PHF10: variants seen among roughly 807,000 people sequenced by gnomAD.
The protein encoded by PHF10 is BRG1-associated factor 45a.
A neutral mutation model predicts 68.5 loss-of-function variants in PHF10; 51 were observed. The observed-to-expected ratio is 0.74, with a 90% CI of 0.59 to 0.94. The LOEUF is 0.94. Ranked by LOEUF, PHF10 falls within the 40% of genes least tolerant of loss-of-function variation. The pLI is 0.00. For synonymous variants in PHF10, 204 were observed against 203.5 expected (o/e 1.00, Z -0.02); for missense variants, 460 against 602.6 (o/e 0.76, Z 2.48).
At chr6:169,712,674 A>AT (rs1323310076) in intron 7 of PHF10, 135 bp from the exon 8 acceptor site, 6 of 617,830 alleles carry the variant, frequency 9.7e-6, no homozygotes, top group Non-Finnish European at 1.6e-5. Context: ...CTAATTTTTC[A>AT]TTTTTGTCAT....
In PHF10 at chr6:169,724,490, G is replaced by C. The variant is rs1473338360; in HGVS notation, c.-559C>G. Among the ~76,000 whole-genome samples, 5 of 142,536 alleles carry C rather than the reference G, an allele frequency of 3.5e-5. No individual in the cohort carries two copies. Among genetic ancestry groups the C allele is most frequent in the Non-Finnish European group, 6.2e-5 (4 of 64,788 alleles). 93.5% of individuals were successfully genotyped at this position (142,536 alleles called of 152,430 possible). On this transcript the variant is annotated 5_prime_UTR_variant, in exon 1 of 12. Transcript: ENST00000339209. ...CCGCCGCCTGGCTCCCCACGGCCCGGCGTTGTACTCGGCCGCGGCTCCCCC... is the reference window on the plus strand; with the variant it reads ...CCGCCGCCTGGCTCCCCACGGCCCGCCGTTGTACTCGGCCGCGGCTCCCCC...
At chr6:169,710,589 CTAAGTA>C (rs1469431091) in intron 8 of PHF10, among the ~76,000 whole-genome samples, 198 bp from the exon 9 acceptor site, 5 of 152,162 alleles carry the variant, frequency 3.3e-5, no homozygotes, top group Non-Finnish European at 5.9e-5. Context: ...CCTCCTTCTT[CTAAGTA>C]TATTATATAA....
Position 169,723,914 on chromosome 6 carries a change from C to T in PHF10, c.18G>A (p.Gly6=), listed in dbSNP as rs1398205479. The change falls in exon 1 of 12, where the codon GGG becomes GGA. Residue 6 remains glycine, a synonymous_variant. Transcript: ENST00000339209. The part of the protein sequence containing the change: MAAAA[G]PGAALSPRPC... ...GCCGCGGGGACAGCGCAGCCCCGGGCCCGGCCGCCGCCGCCATCAGCCCGA... is the reference window on the plus strand; with the variant it reads ...GCCGCGGGGACAGCGCAGCCCCGGGTCCGGCCGCCGCCGCCATCAGCCCGA... The T allele has an allele frequency of 1.0e-4, 106 of 1,044,780 alleles. No homozygotes were observed. The highest frequency in any genetic ancestry group is 1.1e-4 in the Non-Finnish European group (99 of 865,010). 64.7% of individuals were successfully genotyped at this position (1,044,780 alleles called of 1,614,324 possible). A position where few individuals can be genotyped will look rare whatever the true frequency, so the allele number is the denominator to read the frequency against.
chr6:169,715,395 A>G (rs1463101409), intron 6 of PHF10, among the ~76,000 whole-genome samples: 2 of 152,158 alleles, frequency 1.3e-5, no homozygotes, highest in Non-Finnish European at 2.9e-5. Flanking sequence ...GTAAAACACC[A>G]TCTCTACTAA....
In PHF10 at chr6:169,714,661, G is replaced by C. The variant is rs184256323; in HGVS notation, c.803+72C>G. 6.4e-5 allele frequency: 50 copies of C among 778,582 alleles called. No homozygotes were observed. In the East Asian group the frequency reaches 1.2e-3, roughly 18 times the overall value. 48.2% of individuals were successfully genotyped at this position (778,582 alleles called of 1,614,324 possible). On this transcript the variant is annotated intron_variant, in intron 7 of 11. Transcript: ENST00000339209. ...TATCTATAGACCCCAAAATTGTTAGGAGGCAAGTACAAAAGGCTCTGAAAC... is the reference window on the plus strand; with the variant it reads ...TATCTATAGACCCCAAAATTGTTAGCAGGCAAGTACAAAAGGCTCTGAAAC...
chr6:169,705,245 A>T lies in PHF10; in HGVS notation c.1299T>A (p.Cys433Ter). The T allele has an allele frequency of 6.2e-7, 1 of 1,613,234 alleles. No individual in the cohort carries two copies. ...IKTYPWQCME[C>*]KTCIICGQPH... ...GTTGTCCACATATAATGCATGTTTT[A>T]CATTCCATACACTGCCATGGGTAGG... The change falls in exon 11 of 12, where the codon TGT (cysteine) becomes TGA (stop). Residue 433 changes from cysteine to a stop codon, truncating the protein, a stop_gained. Transcript: ENST00000339209. LOFTEE classifies it high-confidence loss of function.
At chr6:169,712,162 T>C (rs1562986258) in intron 8 of PHF10, among the ~76,000 whole-genome samples, 1 of 152,136 alleles carries the variant, frequency 6.6e-6, no homozygotes, top group Non-Finnish European at 1.5e-5. Flanking sequence ...TTGCCTAAAC[T>C]GCTCATGGTA....
chr6:169,714,638 T>C (rs767472471), intron 7 of PHF10, 95 bp downstream of exon 7: 10 of 725,212 alleles, frequency 1.4e-5, no homozygotes, highest in Non-Finnish European at 2.5e-5. Context: ...TACGGTGATA[T>C]CTATAGACCC....
intron 1 of PHF10, among the ~76,000 whole-genome samples, chr6:169,722,715 T>C (rs1008242457): frequency 3.9e-5 from 6 of 152,190 alleles, no homozygotes; most frequent in Non-Finnish European, 8.8e-5. Context: ...GCAATACTGA[T>C]ACAGAGGCCC....
intron 1 of PHF10, 59 bp downstream of exon 1, chr6:169,723,786 G>A (rs1322574973): frequency 5.6e-6 from 3 of 534,846 alleles, no homozygotes; most frequent in East Asian, 1.2e-4. Flanking sequence ...CTGGGCCCAC[G>A]CCCCGGCACC....
chr6:169,707,803 A>G (rs1170751159), intron 9 of PHF10: 8 of 152,226 alleles, frequency 5.3e-5, no homozygotes, highest in African/African-American at 1.9e-4. Context: ...TTCTTACCCA[A>G]CAGCCTTCAT....
chr6:169,705,854 A>C, intron 9 of PHF10, 130 bp from the exon 10 acceptor site: 1 of 641,532 alleles, frequency 1.6e-6, no homozygotes, highest in South Asian at 1.8e-5. Context: ...TTGAAAGACA[A>C]AACTTGACAG....
intron 9 of PHF10, chr6:169,706,988 C>T (rs1471317575): frequency 6.6e-6 from 1 of 152,172 alleles, no homozygotes; most frequent in East Asian, 1.9e-4. Context: ...AAGTTTTGTA[C>T]TTTTTAAATT....
intron 9 of PHF10, chr6:169,707,534 ATACTC>A (rs1331703863): frequency 6.6e-6 from 1 of 152,062 alleles, no homozygotes; most frequent in Non-Finnish European, 1.5e-5. Flanking sequence ...GGCATAGTAA[ATACTC>A]TAATATCTTT....
At chr6:169,714,886 G>C (rs756730889) in intron 6 of PHF10, 44 bp from the exon 7 acceptor site, 1 of 1,001,022 alleles carries the variant, frequency 1.0e-6, no homozygotes, top group Non-Finnish European at 1.6e-6. Flanking sequence ...TCCATGCTAA[G>C]AATCAAGGCT....
At chr6:169,719,280 T>A (rs1789121307) in intron 2 of PHF10, 1 of 177,214 alleles carries the variant, frequency 5.6e-6, no homozygotes, top group Non-Finnish European at 1.2e-5. Context: ...CAGTATTTCA[T>A]CCACCCAAAG....
rs907341073 is a variant in PHF10 at position 169,707,168 on chromosome 6, T to C, written c.1114-1444A>G. 2.0e-5 allele frequency: 3 copies of C among 152,110 alleles called. No homozygotes were observed. In the East Asian group the frequency reaches 5.8e-4, roughly 29 times the overall value. The allele number at this position is 152,110 out of a possible 1,614,324, so 9.4% of individuals were successfully genotyped here. Reference sequence around the variant, plus strand: ...GAAGTTAAACATACATATAAAACTTTACTATTAAACTAATCTCCTGTATGT... The same window carrying C: ...GAAGTTAAACATACATATAAAACTTCACTATTAAACTAATCTCCTGTATGT... On this transcript the variant is annotated intron_variant, in intron 9 of 11. Transcript: ENST00000339209.
At chr6:169,704,864 A>T (rs1431785358) in intron 11 of PHF10, 1 of 332,342 alleles carries the variant, frequency 3.0e-6, no homozygotes, top group Non-Finnish European at 5.7e-6. Context: ...TTGTTACTTT[A>T]GTATTTCAGT....
At position 169,703,992 on chromosome 6, in the gene PHF10, CA is replaced by C; in HGVS notation, c.*10del. 6.3e-7 allele frequency: 1 copy of C among 1,591,626 alleles called. No individual in the cohort carries two copies. The highest frequency in any genetic ancestry group is 8.6e-7 in the Non-Finnish European group (1 of 1,169,546). On this transcript the variant is annotated 3_prime_UTR_variant, in exon 12 of 12. Coordinates refer to ENST00000339209, the MANE Select transcript of PHF10 (RefSeq NM_018288.4). ...TTAAATGCATATACAGTATTAGAGT[CA>C]AAAACTATTTTATCCCTCTTTGCTG...
Sources: allele counts gnomAD v4.1 joint callset (sites outside exome capture counted in the v4.1 genomes callset), GRCh38; gene constraint gnomAD v4.1.1; transcripts MANE v1.5; gene names NCBI Gene and HGNC (gene_info 2026-07-23, HGNC 2026-07-21).